Variants in PRDM2 observed in about 807,000 individuals in gnomAD.
PRDM2 encodes the protein PR domain zinc finger protein 2.
A neutral mutation model predicts 130.0 loss-of-function variants in PRDM2; 30 were observed. The observed-to-expected ratio is 0.23, with a 90% confidence interval of 0.17 to 0.31. The LOEUF (loss-of-function observed/expected upper bound fraction) is 0.31, where lower values mean the gene tolerates loss of function less well. Ranked by LOEUF, PRDM2 falls within the 10% of genes least tolerant of loss-of-function variation. PRDM2 has a pLI of 1.00. For synonymous variants in PRDM2, 871 were observed against 782.4 expected, an observed-to-expected ratio of 1.11 and a Z score of -1.89; for missense variants, 2,011 against 2,108.4, an observed-to-expected ratio of 0.95 and a Z score of 0.90.
Position 13,806,841 on chromosome 1 carries a change from C to G in PRDM2, c.5037-9586C>G, listed in dbSNP as rs1645093120. ...AAGGCCTATGAGACCCTCCCCTCTG[C>G]CCACATCACCTCAGACATTCCTGGT... On this transcript the variant is annotated intron_variant, in intron 8 of 9. Coordinates refer to ENST00000311066, the MANE Select transcript of PRDM2 (RefSeq NM_001393986.1). The surrounding 1 kb of genome is among the most constrained non-coding windows in gnomAD (Gnocchi z 4.1). Among the ~76,000 whole-genome samples the G allele has an allele frequency of 6.6e-6, 1 of 152,170 alleles. No homozygotes were observed.
chr1:13,704,889 G>A (rs1384280804), intron 1 of PRDM2: 1 of 152,172 alleles, frequency 6.6e-6, no homozygotes, highest in Non-Finnish European at 1.5e-5. Context: ...CTCACTCTGC[G>A]AGGCTTATTT....
intron 5 of PRDM2, among the ~76,000 whole-genome samples, chr1:13,743,071 A>T (rs893323593): frequency 6.6e-6 from 1 of 152,114 alleles, no homozygotes; most frequent in African/African-American, 2.4e-5. Flanking sequence ...AGCAAAGGCC[A>T]TATCTCCCTC....
chr1:13,789,225 TA>T (rs756827169), intron 8 of PRDM2, among the ~76,000 whole-genome samples: 6 of 152,238 alleles, frequency 3.9e-5, no homozygotes, highest in Admixed American at 2.0e-4. Context: ...AATCAAAAGC[TA>T]ATTAGAGCCT....
At position 13,779,061 on chromosome 1, in the gene PRDM2, A is replaced by G. The variant is rs371725763; in HGVS notation, c.1266A>G (p.Gln422=). Reference sequence around the variant, plus strand: ...CAGGGTTAAAGCGGAAACCCAGCCAAACACTACAGCCGTCAGAGGATCTGG... The same window carrying G: ...CAGGGTTAAAGCGGAAACCCAGCCAGACACTACAGCCGTCAGAGGATCTGG... ...HEAGLKRKPS[Q]TLQPSEDLAD... The change falls in exon 8 of 10, where the codon CAA becomes CAG. Residue 422 remains glutamine, a synonymous_variant. Coordinates refer to ENST00000311066, the MANE Select transcript of PRDM2 (RefSeq NM_001393986.1). The surrounding 1 kb of genome is among the most constrained non-coding windows in gnomAD (Gnocchi z 4.9). 12 of 1,614,114 alleles carry G rather than the reference A, an allele frequency of 7.4e-6. No homozygotes were observed. The highest frequency in any genetic ancestry group is 1.3e-5 in the African/African-American group (1 of 74,940).
chr1:13,814,025 C>G (rs1416021032), intron 8 of PRDM2, among the ~76,000 whole-genome samples: 1 of 152,160 alleles, frequency 6.6e-6, no homozygotes, highest in Non-Finnish European at 1.5e-5. Context: ...GCTGGTCTTG[C>G]TACACCACTG....
intron 8 of PRDM2, among the ~76,000 whole-genome samples, chr1:13,802,323 G>A (rs568424571): frequency 1.3e-5 from 2 of 152,194 alleles, no homozygotes; most frequent in Non-Finnish European, 2.9e-5. Context: ...AGACAAGCTG[G>A]TTTTGACCTC....
At chr1:13,712,353 T>C (rs1642398060) in intron 1 of PRDM2, among the ~76,000 whole-genome samples, 1 of 152,136 alleles carries the variant, frequency 6.6e-6, no homozygotes. Flanking sequence ...AAGCTAGCAA[T>C]GACAAAAGGT....
At chr1:13,782,929 T>A (rs75627863) in intron 8 of PRDM2, 98 bp downstream of exon 8, 1 of 1,455,202 alleles carries the variant, frequency 6.9e-7, no homozygotes, top group East Asian at 2.4e-5. Flanking sequence ...TTTTTTTTTT[T>A]CCCCACTTAA....
intron 9 of PRDM2, among the ~76,000 whole-genome samples, chr1:13,821,800 C>A (rs1159308988): frequency 6.6e-6 from 1 of 152,136 alleles, no homozygotes; most frequent in Non-Finnish European, 1.5e-5. Context: ...CACCCATGTG[C>A]TCAGCTCTGG....
In PRDM2 at chr1:13,778,730, G is replaced by A. The variant is rs1192858949; in HGVS notation, c.935G>A (p.Cys312Tyr). 1 of 1,614,204 alleles carries A rather than the reference G, an allele frequency of 6.2e-7. No individual in the cohort carries two copies. Among genetic ancestry groups the A allele is most frequent in the Non-Finnish European group, 8.5e-7 (1 of 1,180,036 alleles). Residue 312 changes from cysteine (C) to tyrosine (Y), a missense_variant, in exon 8 of 10, where the codon TGT becomes TAT. By Grantham distance (194) the Cys-to-Tyr change is radical. Transcript: ENST00000311066. ...TCTGTGAAAGAGCCAGAAATACGGT[G>A]TGATGAGAAGCCAGAAGATTTATTA... ...ENSVKEPEIR[C>Y]DEKPEDLLEE...
rs1038350596 is a variant in PRDM2 at position 13,823,564 on chromosome 1, A to C, written c.*429A>C. On this transcript the variant is annotated 3_prime_UTR_variant, in exon 10 of 10. Coordinates refer to ENST00000311066, the MANE Select transcript of PRDM2 (RefSeq NM_001393986.1). ...TTGGTTTGACCCAGGGGTCAGCCTT[A>C]GGAAGGCCTTCAGGAGGAGGCCGAG... 1.5e-5 allele frequency: 3 copies of C among 204,108 alleles called. No homozygotes were observed. Among genetic ancestry groups the C allele is most frequent in the Admixed American group, 5.8e-5 (1 of 17,290 alleles). 12.6% of individuals were successfully genotyped at this position (204,108 alleles called of 1,614,324 possible).
intron 7 of PRDM2, 117 bp from the exon 8 acceptor site, chr1:13,778,301 A>T: frequency 1.9e-6 from 2 of 1,056,122 alleles, no homozygotes; most frequent in South Asian, 1.6e-5. Flanking sequence ...ATTGTTCATC[A>T]TCATCTCCCT....
chr1:13,773,180 C>G lies in PRDM2; in HGVS notation c.614C>G (p.Ser205Cys), dbSNP rs1644395534. 1.3e-6 allele frequency: 2 copies of G among 1,546,624 alleles called. No individual in the cohort carries two copies. Among genetic ancestry groups the G allele is most frequent in the Non-Finnish European group, 1.7e-6 (2 of 1,147,526 alleles). The change falls in exon 7 of 10, where the codon TCT becomes TGT. Residue 205 changes from serine to cysteine, a missense_variant. This residue lies in a region of PRDM2 where 1,288 missense variants were observed against 1,237.7 expected (regional missense o/e 1.04). Coordinates refer to ENST00000311066, the MANE Select transcript of PRDM2 (RefSeq NM_001393986.1). ...PDFTSANMRD[S>C]AEGPKEDEEK... ...TTCACCTCTGCAAATATGAGAGATTCTGCAGAAGGTAAGCTTGTGATATTG... is the reference window on the plus strand; with the variant it reads ...TTCACCTCTGCAAATATGAGAGATTGTGCAGAAGGTAAGCTTGTGATATTG...
In PRDM2 at chr1:13,782,653, G is replaced by A; in HGVS notation, c.4858G>A (p.Ala1620Thr). 1 of 1,614,154 alleles carries A rather than the reference G, an allele frequency of 6.2e-7. No individual in the cohort carries two copies. The highest frequency in any genetic ancestry group is 1.3e-5 in the African/African-American group (1 of 75,052). ...GCACGTGAGGGTACAGAAAAGCAAAGCTGTTTTACAAAGCAAATCCACCTT... is the reference window on the plus strand; with the variant it reads ...GCACGTGAGGGTACAGAAAAGCAAAACTGTTTTACAAAGCAAATCCACCTT... ...SLHVRVQKSKAVLQSKSTLAS... is the reference protein window; with the variant it reads ...SLHVRVQKSKTVLQSKSTLAS... Residue 1620 changes from alanine to threonine, a missense_variant, in exon 8 of 10, where the codon GCT becomes ACT. Around this residue, in one of 5 missense-constraint regions of PRDM2, gnomAD observed 410 missense variants for 395.9 expected, o/e 1.04. Coordinates refer to ENST00000311066, the MANE Select transcript of PRDM2 (RefSeq NM_001393986.1).
rs542166651 is a variant in PRDM2 at position 13,753,424 on chromosome 1, T to G, written c.511+3937T>G. On this transcript the variant is annotated intron_variant, in intron 6 of 9. Coordinates refer to ENST00000311066, the MANE Select transcript of PRDM2 (RefSeq NM_001393986.1). ...CTTAGTCACCACAGAACAGTTAAATTATAATCAGCTTAGCAAAGTAATATT... is the reference window on the plus strand; with the variant it reads ...CTTAGTCACCACAGAACAGTTAAATGATAATCAGCTTAGCAAAGTAATATT... Among the ~76,000 whole-genome samples the G allele has an allele frequency of 1.6e-4, 25 of 152,344 alleles. 1 individual carries two copies. The highest frequency in any genetic ancestry group is 6.5e-4 in the Admixed American group (10 of 15,300).
intron 2 of PRDM2, among the ~76,000 whole-genome samples, chr1:13,716,453 TA>T (rs1013431679): frequency 4.0e-5 from 6 of 150,728 alleles, no homozygotes; most frequent in African/African-American, 1.5e-4. Flanking sequence ...AGTATAATAA[TA>T]AAAAAATAAA....
chr1:13,754,324 C>T (rs1483467302), intron 6 of PRDM2, among the ~76,000 whole-genome samples: 2 of 152,154 alleles, frequency 1.3e-5, no homozygotes, highest in East Asian at 3.9e-4. Flanking sequence ...CATCCTCCTC[C>T]AGTGCGGAGT....
chr1:13,770,475 A>G (rs1644335324), intron 6 of PRDM2: 1 of 253,526 alleles, frequency 3.9e-6, no homozygotes, highest in Non-Finnish European at 8.2e-6. Context: ...TATATGACCT[A>G]CAGACTGGGT....
chr1:13,753,131 C>T (rs769962141), intron 6 of PRDM2, among the ~76,000 whole-genome samples: 2 of 152,222 alleles, frequency 1.3e-5, no homozygotes, highest in Non-Finnish European at 2.9e-5. Flanking sequence ...CAGCCTCATT[C>T]TGTGCTGATT....
Sources: gnomAD v4.1 joint callset for allele counts (sites outside exome capture counted in the v4.1 genomes callset) on GRCh38, gnomAD v4.1.1 for gene constraint, gnomAD v4.1.1 regional missense constraint, Gnocchi (gnomAD v3.1) non-coding constraint, MANE v1.5 for transcripts, NCBI Gene and HGNC (gene_info 2026-07-23, HGNC 2026-07-21) for gene names.